Variants in VPS13B observed in about 807,000 individuals in gnomAD.
VPS13B encodes the protein intermembrane lipid transfer protein VPS13B.
In VPS13B, 285 loss-of-function variants were observed where a neutral mutation model predicts 426.4. The observed-to-expected ratio is 0.67, with a 90% CI of 0.61 to 0.74. The LOEUF is 0.74. Among genes scored for constraint, VPS13B ranks in the 30% least tolerant of loss-of-function variants. The pLI is 0.00. For missense variants in VPS13B, 4,537 were observed against 4,782.6 expected, an observed-to-expected ratio of 0.95 and a Z score of 1.51; for synonymous variants, 1,676 against 1,676.4, an observed-to-expected ratio of 1.00 and a Z score of 0.01.
At chr8:99,141,326 T>G (rs1031120354) in intron 12 of VPS13B, among the ~76,000 whole-genome samples, 2 of 152,248 alleles carry the variant, frequency 1.3e-5, no homozygotes, top group African/African-American at 4.8e-5. Context: ...GGCATTGGCC[T>G]GTATTATTTT....
intron 33 of VPS13B, among the ~76,000 whole-genome samples, chr8:99,606,810 A>G (rs747464025): frequency 3.4e-4 from 52 of 151,956 alleles, no homozygotes; most frequent in Non-Finnish European, 5.2e-4. Flanking sequence ...TATTTTCTAG[A>G]GGCTTCCTGC....
chr8:99,765,098 T>A (rs914123395), intron 39 of VPS13B, among the ~76,000 whole-genome samples: 2 of 151,966 alleles, frequency 1.3e-5, no homozygotes, highest in African/African-American at 4.8e-5. Context: ...ATACAAAAAT[T>A]AGCTGGGCGT....
At chr8:99,384,561 T>C (rs1258746704) in intron 20 of VPS13B, among the ~76,000 whole-genome samples, 1 of 152,112 alleles carries the variant, frequency 6.6e-6, no homozygotes, top group South Asian at 2.1e-4. Flanking sequence ...CAGAAACTAG[T>C]TTAGGAGTCC....
At chr8:99,438,221 G>T (rs1817497954) in intron 22 of VPS13B, among the ~76,000 whole-genome samples, 1 of 151,978 alleles carries the variant, frequency 6.6e-6, no homozygotes, top group African/African-American at 2.4e-5. Context: ...CAGTCAGGGT[G>T]TCTCAAGCAG....
intron 21 of VPS13B, among the ~76,000 whole-genome samples, chr8:99,422,614 A>T (rs2133383558): frequency 6.6e-6 from 1 of 152,306 alleles, no homozygotes; most frequent in Admixed American, 6.5e-5. Context: ...CAGTAATATT[A>T]GGTAACCATT....
chr8:99,844,736 G>T (rs552436728), intron 54 of VPS13B, among the ~76,000 whole-genome samples: 8 of 152,098 alleles, frequency 5.3e-5, no homozygotes, highest in Admixed American at 3.3e-4. Context: ...CATCACATTG[G>T]GGGGCTAGAA....
At position 99,766,962 on chromosome 8, in the gene VPS13B, T is replaced by C. The variant is rs751702954; in HGVS notation, c.7239T>C (p.Asp2413=). 3.7e-6 allele frequency: 6 copies of C among 1,613,810 alleles called. No homozygotes were observed. Among genetic ancestry groups the C allele is most frequent in the Non-Finnish European group, 5.1e-6 (6 of 1,179,838 alleles). ...IVLNSSQNGA[D]DQSSASESGS... is the part of the protein sequence containing the mutation. ...TGAACAGCAGTCAAAATGGAGCTGA[T>C]GACCAAAGGTAATTCATTGAAAGAT... Residue 2413 remains aspartate (D), a synonymous_variant, in exon 40 of 62, where the codon GAT becomes GAC. Transcript: ENST00000357162.
rs535301308 is a variant in VPS13B, at chr8:99,677,679, G to A, written c.6046+16188G>A. ...TAGAGGCTGGTTGTGCAGTTGGCAG[G>A]GAGGTAGGGGGCCAGTACTAGGTCT... is the stretch of plus-strand genomic sequence containing the variant. On this transcript the variant is annotated intron_variant, in intron 35 of 61. Transcript: ENST00000357162. Among the ~76,000 whole-genome samples, 8 of 152,294 alleles carry A rather than the reference G, an allele frequency of 5.3e-5. No homozygotes were observed. The East Asian group carries it at 1.5e-3, about 29-fold the overall frequency.
At chr8:99,249,418 A>G (rs1325636431) in intron 17 of VPS13B, among the ~76,000 whole-genome samples, 1 of 134,498 alleles carries the variant, frequency 7.4e-6, no homozygotes, top group African/African-American at 2.9e-5. Flanking sequence ...GCTATACGGT[A>G]GTTGAATGGT....
chr8:99,848,479 A>G (rs991982540), intron 54 of VPS13B, among the ~76,000 whole-genome samples: 1 of 152,224 alleles, frequency 6.6e-6, no homozygotes, highest in East Asian at 1.9e-4. Flanking sequence ...TCTGAACTCC[A>G]GCCCACACAG....
intron 40 of VPS13B, among the ~76,000 whole-genome samples, chr8:99,767,277 A>T (rs1811272761): frequency 6.6e-6 from 1 of 152,000 alleles, no homozygotes; most frequent in African/African-American, 2.4e-5. Flanking sequence ...TCAACCTCAA[A>T]ATACAGAGGC....
Position 99,360,188 on chromosome 8 carries a change from T to TTCTCTC in VPS13B, c.2825-24002_2825-23997dup, listed in dbSNP as rs778981940. Among the ~76,000 whole-genome samples the TTCTCTC allele has an allele frequency of 1.4e-3, 38 of 28,038 alleles. 2 individuals are homozygous for TTCTCTC. The highest frequency in any genetic ancestry group is 5.0e-3 in the African/African-American group (36 of 7,196). 18.4% of individuals were successfully genotyped at this position (28,038 alleles called of 152,430 possible). Reference sequence around the variant, plus strand: ...TTTCTTTCTTTCTTTCTTTCTTTCTTTCTCTCTCTCTCTCTCTCTCTCTTT... The same window carrying TTCTCTC: ...TTTCTTTCTTTCTTTCTTTCTTTCTTTCTCTCTCTCTCTCTCTCTCTCTCTCTCTTT... On this transcript the variant is annotated intron_variant, in intron 19 of 61. Coordinates refer to ENST00000357162, the MANE Select transcript of VPS13B (RefSeq NM_152564.5).
chr8:99,487,365 T>G (rs897104837), intron 25 of VPS13B, among the ~76,000 whole-genome samples: 1 of 152,202 alleles, frequency 6.6e-6, no homozygotes, highest in African/African-American at 2.4e-5. Context: ...GAACTAGTCT[T>G]TTTAATCTCA....
At chr8:99,184,335 C>T (rs890316331) in intron 16 of VPS13B, among the ~76,000 whole-genome samples, 1 of 152,154 alleles carries the variant, frequency 6.6e-6, no homozygotes, top group African/African-American at 2.4e-5. Context: ...TTCCTTCCAA[C>T]AATGTATGAG....
At chr8:99,814,216 A>G (rs1042374954) in intron 44 of VPS13B, among the ~76,000 whole-genome samples, 1 of 152,238 alleles carries the variant, frequency 6.6e-6, no homozygotes, top group Non-Finnish European at 1.5e-5. Flanking sequence ...GTTCATTAAA[A>G]TTGATGGTTA....
Position 99,577,179 on chromosome 8 carries a change from A to G in VPS13B, c.5077-311A>G, listed in dbSNP as rs138469023. 5.1e-3 allele frequency among the ~76,000 whole-genome samples: 777 copies of G among 152,316 alleles called. 4 individuals are homozygous for G. Among genetic ancestry groups the G allele is most frequent in the Non-Finnish European group, 6.5e-3 (441 of 67,976 alleles). ...TGCTACACAATTATATTGTTGCTAC[A>G]TATTGAAAACAATAATAATAGTTGG... On this transcript the variant is annotated intron_variant, in intron 32 of 61. Transcript: ENST00000357162.
At chr8:99,409,033 A>G (rs1815480204) in intron 21 of VPS13B, among the ~76,000 whole-genome samples, 2 of 152,328 alleles carry the variant, frequency 1.3e-5, no homozygotes, top group South Asian at 4.1e-4. Flanking sequence ...TTCTAGTTCT[A>G]GGAAAGTCCA....
chr8:99,871,433 T>C lies in VPS13B; in HGVS notation c.11496-15T>C. Reference sequence around the variant, plus strand: ...CACAGCTGGCCCCTGGCCTCACTTTTCTCCTTTTAAACAGGAAAATGCTTC... The same window carrying C: ...CACAGCTGGCCCCTGGCCTCACTTTCCTCCTTTTAAACAGGAAAATGCTTC... On this transcript the variant is annotated splice_polypyrimidine_tract_variant and intron_variant, in intron 60 of 61. Transcript: ENST00000357162. 6.2e-7 allele frequency: 1 copy of C among 1,614,068 alleles called. No homozygotes were observed. The highest frequency in any genetic ancestry group is 8.5e-7 in the Non-Finnish European group (1 of 1,180,022).
intron 35 of VPS13B, among the ~76,000 whole-genome samples, chr8:99,686,695 G>A (rs1831422166): frequency 6.6e-6 from 1 of 151,928 alleles, no homozygotes; most frequent in Non-Finnish European, 1.5e-5. Flanking sequence ...CAAGGTCCAA[G>A]GGCTCTTCAG....
Sources: allele counts gnomAD v4.1 joint callset (sites outside exome capture counted in the v4.1 genomes callset), GRCh38; gene constraint gnomAD v4.1.1; transcripts MANE v1.5; gene names NCBI Gene and HGNC (gene_info 2026-07-23, HGNC 2026-07-21).